Variants in CLEC12A observed in about 807,000 individuals in gnomAD.
CLEC12A encodes the protein C-type lectin domain family 12 member A, also known as C-type lectin protein CLL-1.
A neutral mutation model predicts 26.5 loss-of-function variants in CLEC12A; 22 were observed. That is an observed-to-expected ratio of 0.83 (90% confidence interval 0.59 to 1.19). The LOEUF (loss-of-function observed/expected upper bound fraction) is 1.19. CLEC12A is among the 50% of genes most tolerant of loss of function. The pLI is 0.00. For synonymous variants in CLEC12A, 119 were observed against 101.9 expected, an observed-to-expected ratio of 1.17 and a Z score of -1.01; for missense variants, 353 against 315.6, an observed-to-expected ratio of 1.12 and a Z score of -0.90.
intron 1 of CLEC12A, among the ~76,000 whole-genome samples, chr12:9,959,429 G>A (rs1302058886): frequency 6.8e-6 from 1 of 147,796 alleles, no homozygotes; most frequent in East Asian, 2.0e-4. Flanking sequence ...TCCAGCCTGG[G>A]AGAGAAGAGC....
rs141535393 is a variant in CLEC12A at position 9,991,560 on chromosome 12, G to A, written n.1005-3458G>A. On this transcript the variant is annotated intron_variant and non_coding_transcript_variant, in intron 4 of 4. Coordinates refer to the CLEC12A transcript ENST00000449959. ...TACTGATACCATCACCCAAATCCAAGATCTCCAGACATTTGAAGTAACAAG... is the reference window on the plus strand; with the variant it reads ...TACTGATACCATCACCCAAATCCAAAATCTCCAGACATTTGAAGTAACAAG... The A allele has an allele frequency of 9.2e-5, 14 of 152,154 alleles. No individual in the cohort carries two copies. The East Asian group carries it at 2.5e-3, about 27-fold the overall frequency. The allele number at this position is 152,154 out of a possible 1,614,324, so 9.4% of individuals were successfully genotyped here.
chr12:9,982,666 G>A (rs1380473091), intron 5 of CLEC12A, among the ~76,000 whole-genome samples: 3 of 152,034 alleles, frequency 2.0e-5, no homozygotes, highest in Non-Finnish European at 2.9e-5. Context: ...GATTTAGGGG[G>A]TACGATTGCA....
downstream of CLEC12A, among the ~76,000 whole-genome samples, chr12:9,988,670 T>C (rs936887007): frequency 2.0e-5 from 3 of 152,118 alleles, no homozygotes; most frequent in African/African-American, 7.2e-5. Flanking sequence ...TGAGATACCA[T>C]CCCACACCAG....
At chr12:9,973,668 A>G (rs1029148336) in intron 1 of CLEC12A, among the ~76,000 whole-genome samples, 1 of 152,050 alleles carries the variant, frequency 6.6e-6, no homozygotes, top group Admixed American at 6.6e-5. Context: ...TTAAATGTCT[A>G]TCCTACCATG....
intron 5 of CLEC12A, chr12:9,983,435 A>T (rs544234979): frequency 1.5e-6 from 1 of 668,472 alleles, no homozygotes; most frequent in South Asian, 1.6e-5. Context: ...TATACGTTGT[A>T]TTTGTTCTGC....
the CLEC12A span, among the ~76,000 whole-genome samples, chr12:10,003,806 C>T: frequency 6.6e-6 from 1 of 152,100 alleles, no homozygotes; most frequent in South Asian, 2.1e-4. Flanking sequence ...GTCCCAGCTA[C>T]TTGGGAGGCT....
chr12:9,960,437 T>G (rs1863810282), intron 1 of CLEC12A, among the ~76,000 whole-genome samples: 1 of 152,234 alleles, frequency 6.6e-6, no homozygotes, highest in Admixed American at 6.5e-5. Flanking sequence ...TTATCTATAT[T>G]ATTTATCATC....
At chr12:10,003,823 G>T in the CLEC12A span, among the ~76,000 whole-genome samples, 1 of 152,166 alleles carries the variant, frequency 6.6e-6, no homozygotes, top group African/African-American at 2.4e-5. Flanking sequence ...GGCTGAGGTG[G>T]AAGGTTCACT....
At chr12:9,955,769 G>A (rs1863733278) in intron 1 of CLEC12A, among the ~76,000 whole-genome samples, 1 of 152,040 alleles carries the variant, frequency 6.6e-6, no homozygotes, top group Admixed American at 6.6e-5. Flanking sequence ...TTACCAAAAG[G>A]CAAAGAAAAA....
chr12:9,986,424 C>G (rs1053589745), downstream of CLEC12A, among the ~76,000 whole-genome samples: 6 of 136,122 alleles, frequency 4.4e-5, no homozygotes, highest in South Asian at 5.0e-4. Flanking sequence ...TCCCCCCCCC[C>G]CTTTTTTTCT....
intron 2 of CLEC12A, 112 bp downstream of exon 2, chr12:9,979,176 C>A: frequency 9.9e-7 from 1 of 1,010,488 alleles, no homozygotes; most frequent in South Asian, 1.4e-5. Context: ...GTGATAGGCC[C>A]ACAAGGAGGA....
At chr12:10,002,749 G>A in the CLEC12A span, among the ~76,000 whole-genome samples, 2 of 152,084 alleles carry the variant, frequency 1.3e-5, no homozygotes, top group Non-Finnish European at 2.9e-5. Context: ...GCAATTTGAG[G>A]AACTTTTTAA....
chr12:9,970,618 A>G (rs1259339687), upstream of CLEC12A, among the ~76,000 whole-genome samples: 1 of 152,212 alleles, frequency 6.6e-6, no homozygotes, highest in Non-Finnish European at 1.5e-5. Flanking sequence ...CTAATAAGAC[A>G]CAAATCTGGA....
At chr12:9,977,878 T>A (rs1591829676) in intron 1 of CLEC12A, among the ~76,000 whole-genome samples, 1 of 152,300 alleles carries the variant, frequency 6.6e-6, no homozygotes, top group East Asian at 1.9e-4. Flanking sequence ...AACTTTTTAA[T>A]AATTGAATAA....
the CLEC12A span, among the ~76,000 whole-genome samples, chr12:10,003,499 T>G: frequency 6.6e-6 from 1 of 152,206 alleles, no homozygotes; most frequent in East Asian, 1.9e-4. Context: ...AAGATTTACA[T>G]TAATATTTGA....
At position 9,982,116 on chromosome 12, in the gene CLEC12A, A is replaced by C; in HGVS notation, c.628A>C (p.Asn210His). Residue 210 changes from asparagine (N) to histidine (H), a missense_variant, in exon 5 of 6, where the codon AAC becomes CAC. By Grantham distance (68) the Asn-to-His change is moderately conservative. Transcript: ENST00000304361. ...TGGTATGAGAGTGGATAATATAATC[A>C]ACTCCTCTGCCTGGTAAGTGTCTAT... ...TRGMRVDNII[N>H]SSAWVIRNAP... The C allele has an allele frequency of 6.4e-7, 1 of 1,550,434 alleles. No homozygotes were observed. The highest frequency in any genetic ancestry group is 8.9e-7 in the Non-Finnish European group (1 of 1,123,082).
At chr12:9,979,170 T>C in intron 2 of CLEC12A, 106 bp downstream of exon 2, 2 of 1,047,144 alleles carry the variant, frequency 1.9e-6, no homozygotes, top group Non-Finnish European at 2.9e-6. Flanking sequence ...TGATAGGTGA[T>C]AGGCCCACAA....
At chr12:9,994,203 G>T (rs1257558921) in intron 4 of CLEC12A, among the ~76,000 whole-genome samples, 1 of 152,012 alleles carries the variant, frequency 6.6e-6, no homozygotes, top group African/African-American at 2.4e-5. Context: ...CATTCTAGAA[G>T]AAAATAGCAA....
chr12:9,982,036 A>G lies in CLEC12A; in HGVS notation c.548A>G (p.Gln183Arg), dbSNP rs1340654666. ...TTCCTGTAGGAATTTATAAAATCCC[A>G]GAGTAGATCATATGACTATTGGCTG... ...NKNALEFIKS[Q>R]SRSYDYWLGL... The change falls in exon 5 of 6, where the codon CAG becomes CGG. Residue 183 changes from glutamine to arginine, a missense_variant. Physicochemically the swap from Gln to Arg is conservative, Grantham distance 43. Transcript: ENST00000304361. 10 of 1,566,846 alleles carry G rather than the reference A, an allele frequency of 6.4e-6. No homozygotes were observed. The highest frequency in any genetic ancestry group is 8.8e-6 in the Non-Finnish European group (10 of 1,138,850).
Sources: allele counts gnomAD v4.1 joint callset (sites outside exome capture counted in the v4.1 genomes callset), GRCh38; gene constraint gnomAD v4.1.1; transcripts MANE v1.5; gene names NCBI Gene and HGNC (gene_info 2026-07-23, HGNC 2026-07-21).